ITGBL1: variants seen among roughly 807,000 people sequenced by gnomAD.
The protein encoded by ITGBL1 is integrin beta-like protein 1.
Under a neutral mutation model 68.5 loss-of-function variants are expected in ITGBL1, and 51 were observed. The ratio of observed to expected loss-of-function variants is 0.74; its 90% CI spans 0.59 to 0.94. ITGBL1 has a LOEUF of 0.94. ITGBL1 is among the 40% of genes least tolerant of loss of function. The pLI is 0.00. For synonymous variants in ITGBL1, 209 were observed against 227.3 expected, an observed-to-expected ratio of 0.92 and a Z score of 0.72; for missense variants, 649 against 647.4, an observed-to-expected ratio of 1.00 and a Z score of -0.03.
At chr13:101,705,307 A>AAAAAAAAAAAAC (rs1555367877) in intron 8 of ITGBL1, among the ~76,000 whole-genome samples, 1 of 144,878 alleles carries the variant, frequency 6.9e-6, no homozygotes, top group African/African-American at 2.7e-5. Context: ...AAAAAAAAAA[A>AAAAAAAAAAAAC]AACAACAACA....
At chr13:101,714,828 G>C (rs928401816) in intron 10 of ITGBL1, 28 of 415,040 alleles carry the variant, frequency 6.7e-5, no homozygotes, top group Non-Finnish European at 1.2e-4. Flanking sequence ...CATGTATGCA[G>C]TTGTATATTG....
At chr13:101,696,687 G>C (rs1171889140) in intron 8 of ITGBL1, among the ~76,000 whole-genome samples, 2 of 152,156 alleles carry the variant, frequency 1.3e-5, no homozygotes, top group Non-Finnish European at 2.9e-5. Context: ...GTTGTATTGA[G>C]AGTGTCCCTG....
At chr13:101,651,563 G>C (rs1214129994) in intron 7 of ITGBL1, among the ~76,000 whole-genome samples, 1 of 152,078 alleles carries the variant, frequency 6.6e-6, no homozygotes, top group Non-Finnish European at 1.5e-5. Context: ...GTAGACTCTG[G>C]ATATTAGACC....
In ITGBL1 at chr13:101,452,847, G is replaced by A; in HGVS notation, c.14G>A (p.Gly5Asp). The A allele has an allele frequency of 1.9e-6, 3 of 1,614,082 alleles. No homozygotes were observed. Among genetic ancestry groups the A allele is most frequent in the South Asian group, 2.2e-5 (2 of 91,078 alleles). ...CAGGAGCTCAGCATGCGTCCCCCAG[G>A]CTTCAGGAACTTCTTGCTGCTGGCG... MRPP[G>D]FRNFLLLASS... The change falls in exon 1 of 11, where the codon GGC becomes GAC. Residue 5 changes from glycine to aspartate, a missense_variant. Physicochemically the swap from Gly to Asp is moderately conservative, Grantham distance 94 (BLOSUM62 -1). Coordinates refer to ENST00000376180, the MANE Select transcript of ITGBL1 (RefSeq NM_004791.3).
At chr13:101,631,305 A>G (rs993468791) in intron 7 of ITGBL1, among the ~76,000 whole-genome samples, 2 of 152,084 alleles carry the variant, frequency 1.3e-5, no homozygotes, top group African/African-American at 4.8e-5. Context: ...CACCTTAAGG[A>G]TAATTTATTT....
intron 7 of ITGBL1, among the ~76,000 whole-genome samples, chr13:101,692,260 A>G (rs2139555600): frequency 6.6e-6 from 1 of 152,328 alleles, no homozygotes; most frequent in East Asian, 1.9e-4. Flanking sequence ...TGTTCAAGGA[A>G]TCATCAGGAT....
intron 2 of ITGBL1, among the ~76,000 whole-genome samples, chr13:101,482,626 T>C (rs1317414178): frequency 1.3e-5 from 2 of 152,298 alleles, no homozygotes; most frequent in East Asian, 3.9e-4. Flanking sequence ...AATTTCCTCA[T>C]ATACTTTCCA....
At chr13:101,486,265 A>T (rs1410137489) in intron 2 of ITGBL1, among the ~76,000 whole-genome samples, 1 of 152,178 alleles carries the variant, frequency 6.6e-6, no homozygotes, top group South Asian at 2.1e-4. Context: ...ATATGTTCTC[A>T]CTTATAAGTA....
At chr13:101,566,518 G>T (rs532838662) in intron 2 of ITGBL1, among the ~76,000 whole-genome samples, 1 of 152,230 alleles carries the variant, frequency 6.6e-6, no homozygotes, top group East Asian at 1.9e-4. Flanking sequence ...TTTTATAAAT[G>T]CAACAGAAAT....
intron 7 of ITGBL1, among the ~76,000 whole-genome samples, chr13:101,619,578 C>T (rs1045605471): frequency 1.3e-5 from 2 of 152,132 alleles, no homozygotes; most frequent in African/African-American, 4.8e-5. Flanking sequence ...TTTTAGACTT[C>T]TGATCTCCAG....
At chr13:101,623,434 T>C (rs961825828) in intron 7 of ITGBL1, among the ~76,000 whole-genome samples, 1 of 152,200 alleles carries the variant, frequency 6.6e-6, no homozygotes, top group Admixed American at 6.6e-5. Context: ...TACCCAATTA[T>C]CTAACATACA....
At chr13:101,462,152 G>A (rs991751606) in intron 2 of ITGBL1, among the ~76,000 whole-genome samples, 1 of 152,164 alleles carries the variant, frequency 6.6e-6, no homozygotes, top group Non-Finnish European at 1.5e-5. Context: ...GAAACAGGTT[G>A]TGAGACCTTT....
chr13:101,655,275 TTTATC>T (rs1418820171), intron 7 of ITGBL1, among the ~76,000 whole-genome samples: 12 of 152,244 alleles, frequency 7.9e-5, no homozygotes, highest in Non-Finnish European at 1.8e-4. Context: ...GATGTTTTGT[TTTATC>T]TTATCTCTCT....
chr13:101,704,996 C>A (rs1474646440), intron 8 of ITGBL1, among the ~76,000 whole-genome samples: 1 of 152,140 alleles, frequency 6.6e-6, no homozygotes, highest in Non-Finnish European at 1.5e-5. Flanking sequence ...AGTGCCAGAG[C>A]ACTTGCTGAT....
At chr13:101,682,768 G>C (rs982750941) in intron 7 of ITGBL1, among the ~76,000 whole-genome samples, 1 of 151,716 alleles carries the variant, frequency 6.6e-6, no homozygotes, top group Admixed American at 6.6e-5. Flanking sequence ...TTATATTTTA[G>C]TCTTAGGTTA....
intron 2 of ITGBL1, among the ~76,000 whole-genome samples, chr13:101,537,523 A>G (rs538612900): frequency 9.9e-5 from 15 of 152,170 alleles, no homozygotes; most frequent in Admixed American, 8.5e-4. Flanking sequence ...TTAAAATGAA[A>G]GTGTACATTT....
rs947697260 is a variant in ITGBL1 at position 101,452,917 on chromosome 13, C to T, written c.84C>T (p.Phe28=). 7 of 1,614,092 alleles carry T rather than the reference C, an allele frequency of 4.3e-6. No individual in the cohort carries two copies. The highest frequency in any genetic ancestry group is 2.2e-5 in the East Asian group (1 of 44,878). The change falls in exon 1 of 11, where the codon TTC becomes TTT. Residue 28 remains phenylalanine, a synonymous_variant. Transcript: ENST00000376180. ...FAGLSAVPQS[F]SPSLRSWPGA... is the part of the protein sequence containing the mutation. ...GGTTGTCAGCTGTTCCTCAAAGCTT[C>T]TCGCCATCTCTGAGGTAAGTTTGGT...
At chr13:101,618,782 A>G (rs1283677324) in intron 7 of ITGBL1, among the ~76,000 whole-genome samples, 2 of 152,192 alleles carry the variant, frequency 1.3e-5, no homozygotes, top group Admixed American at 6.5e-5. Context: ...GGATTTTAGC[A>G]TCGTCTAAGG....
intron 3 of ITGBL1, among the ~76,000 whole-genome samples, chr13:101,570,313 TTTTTG>T (rs1566736386): frequency 6.6e-6 from 1 of 152,136 alleles, no homozygotes; most frequent in African/African-American, 2.4e-5. Context: ...TTGTTTTTGT[TTTTTG>T]TTTTGTTTTT....
Sources: allele counts gnomAD v4.1 joint callset (sites outside exome capture counted in the v4.1 genomes callset), GRCh38; gene constraint gnomAD v4.1.1; transcripts MANE v1.5; gene names NCBI Gene and HGNC (gene_info 2026-07-23, HGNC 2026-07-21).